Variants in TAF4 observed in about 807,000 individuals in gnomAD.
TAF4 encodes the protein TATA-box binding protein associated factor 4.
Under a neutral mutation model 90.3 loss-of-function variants are expected in TAF4, and 9 were observed. The ratio of observed to expected loss-of-function variants is 0.10; its 90% CI spans 0.06 to 0.17. TAF4 has a LOEUF of 0.17. Ranked by LOEUF, TAF4 falls within the 10% of genes least tolerant of loss-of-function variation. The pLI is 1.00. For missense variants in TAF4, 1,351 were observed against 1,370.7 expected, an observed-to-expected ratio of 0.99 and a Z score of 0.23; for synonymous variants, 818 against 638.9, an observed-to-expected ratio of 1.28 and a Z score of -4.23.
At chr20:62,020,485 T>C (rs917557047) in intron 1 of TAF4, among the ~76,000 whole-genome samples, 1 of 152,272 alleles carries the variant, frequency 6.6e-6, no homozygotes, top group Non-Finnish European at 1.5e-5. Context: ...TCTAGAACGC[T>C]AAACTCTTCA....
At chr20:62,051,394 C>T (rs1951213983) in intron 1 of TAF4, among the ~76,000 whole-genome samples, 1 of 152,142 alleles carries the variant, frequency 6.6e-6, no homozygotes, top group African/African-American at 2.4e-5. Flanking sequence ...CTCAGGCCTC[C>T]TCTCACACGA....
chr20:62,046,479 C>G (rs771502351), intron 1 of TAF4, among the ~76,000 whole-genome samples: 13 of 152,230 alleles, frequency 8.5e-5, no homozygotes, highest in Non-Finnish European at 1.6e-4. Flanking sequence ...CGGCTTCTTG[C>G]ACCTGCTGGG....
At chr20:62,004,202 T>A (rs76676226) in intron 7 of TAF4, among the ~76,000 whole-genome samples, 1 of 152,316 alleles carries the variant, frequency 6.6e-6, no homozygotes, top group East Asian at 1.9e-4. Flanking sequence ...TGATGCCTGC[T>A]GACCTCAGCA....
At chr20:61,978,607 G>C (rs1026833560) in intron 14 of TAF4, among the ~76,000 whole-genome samples, 1 of 150,754 alleles carries the variant, frequency 6.6e-6, no homozygotes, top group Admixed American at 6.6e-5. Flanking sequence ...AAAGGAGGGG[G>C]CGAGACCAAC....
intron 1 of TAF4, among the ~76,000 whole-genome samples, chr20:62,063,549 G>A (rs977898438): frequency 6.6e-6 from 1 of 152,164 alleles, no homozygotes; most frequent in Non-Finnish European, 1.5e-5. Context: ...CAGCAGACTA[G>A]ACAGGAGCGT....
intron 1 of TAF4, among the ~76,000 whole-genome samples, chr20:62,046,093 T>A (rs952146306): frequency 6.6e-6 from 1 of 152,140 alleles, no homozygotes; most frequent in African/African-American, 2.4e-5. Context: ...ACGGCAGACA[T>A]TGGGATTGGG....
chr20:62,039,409 AC>A (rs1393420574), intron 1 of TAF4, among the ~76,000 whole-genome samples: 2 of 152,066 alleles, frequency 1.3e-5, no homozygotes, highest in African/African-American at 2.4e-5. Context: ...ATGAGTCTCA[AC>A]CCCCTACCTT....
At chr20:62,000,073 G>A (rs1251878282) in intron 11 of TAF4, 51 bp downstream of exon 11, 8 of 1,613,948 alleles carry the variant, frequency 5.0e-6, no homozygotes, top group Non-Finnish European at 6.8e-6. Flanking sequence ...AGCCAGCAGA[G>A]AGTGGGGGCC....
intron 1 of TAF4, among the ~76,000 whole-genome samples, chr20:62,030,736 T>C (rs1241226812): frequency 1.3e-5 from 2 of 152,220 alleles, no homozygotes; most frequent in African/African-American, 4.8e-5. Context: ...GCCAATAATG[T>C]TGAATTGTCT....
intron 14 of TAF4, among the ~76,000 whole-genome samples, chr20:61,991,443 AAAAG>A (rs1239338377): frequency 1.3e-5 from 2 of 151,870 alleles, no homozygotes; most frequent in Admixed American, 1.3e-4. Context: ...AAATTAAAAA[AAAAG>A]AGAGAGAGAA....
chr20:61,994,603 T>A (rs906830623), intron 14 of TAF4, among the ~76,000 whole-genome samples: 1 of 152,196 alleles, frequency 6.6e-6, no homozygotes, highest in African/African-American at 2.4e-5. Context: ...GGCAGCCATT[T>A]CTCAGAGGTC....
chr20:62,008,543 G>A (rs1216836313), intron 5 of TAF4, among the ~76,000 whole-genome samples: 3 of 151,712 alleles, frequency 2.0e-5, no homozygotes, highest in Non-Finnish European at 4.4e-5. Flanking sequence ...GAGGTTTCGG[G>A]AGGGGTGGGG....
At chr20:62,007,119 A>G (rs1450687545) in intron 6 of TAF4, 1 of 271,102 alleles carries the variant, frequency 3.7e-6, no homozygotes, top group African/African-American at 2.2e-5. Flanking sequence ...GATTCTATCT[A>G]TGACTGTAAC....
chr20:62,057,342 C>T (rs1272666309), intron 1 of TAF4, among the ~76,000 whole-genome samples: 1 of 152,228 alleles, frequency 6.6e-6, no homozygotes, highest in Non-Finnish European at 1.5e-5. Flanking sequence ...CCTCTGACCC[C>T]AACCCCGAAA....
intron 1 of TAF4, among the ~76,000 whole-genome samples, chr20:62,031,148 T>C (rs1294304369): frequency 6.6e-6 from 1 of 152,200 alleles, no homozygotes; most frequent in Non-Finnish European, 1.5e-5. Flanking sequence ...TTTCTAATTT[T>C]CTCAGGTTTC....
At position 62,006,573 on chromosome 20, in the gene TAF4, A is replaced by G. The variant is rs1243226463; in HGVS notation, c.2160T>C (p.Pro720=). 1.1e-5 allele frequency: 17 copies of G among 1,589,412 alleles called. No individual in the cohort carries two copies. The highest frequency in any genetic ancestry group is 1.5e-5 in the Non-Finnish European group (17 of 1,170,768). The change falls in exon 7 of 15, where the codon CCT becomes CCC. Residue 720 remains proline (P), a synonymous_variant. Transcript: ENST00000252996. This position sits in a 1 kb window ranked among gnomAD's most constrained non-coding sequence, Gnocchi z 7.0. ...AATVTSALQP[P]VLSLTQPTQV... is the part of the protein sequence containing the mutation. ...GCGTGGGCTGCGTGAGGCTGAGCAC[A>G]GGGGGCTGGAGGGCACTGGTCACGG...
intron 1 of TAF4, among the ~76,000 whole-genome samples, chr20:62,023,059 G>A (rs1184297935): frequency 6.6e-6 from 1 of 152,214 alleles, no homozygotes; most frequent in African/African-American, 2.4e-5. Flanking sequence ...GCATCCCAAA[G>A]TCCCAGCAGC....
intron 1 of TAF4, among the ~76,000 whole-genome samples, chr20:62,018,523 C>T (rs2055825271): frequency 1.3e-5 from 2 of 152,264 alleles, no homozygotes; most frequent in Non-Finnish European, 2.9e-5. Flanking sequence ...CTCTACTCCT[C>T]TCTCTGCACT....
At chr20:61,982,616 C>T (rs1003017068) in intron 14 of TAF4, among the ~76,000 whole-genome samples, 1 of 74,922 alleles carries the variant, frequency 1.3e-5, no homozygotes, top group African/African-American at 4.8e-5. Flanking sequence ...CAAACCCACA[C>T]CCACCCGAGA....
Sources: gnomAD v4.1 joint callset for allele counts (sites outside exome capture counted in the v4.1 genomes callset) on GRCh38, gnomAD v4.1.1 for gene constraint, Gnocchi (gnomAD v3.1) non-coding constraint, MANE v1.5 for transcripts, NCBI Gene and HGNC (gene_info 2026-07-23, HGNC 2026-07-21) for gene names.